The following SLC49A4 variants were observed in gnomAD, a reference collection of about 807,000 sequenced individuals.
SLC49A4 encodes the protein solute carrier family 49 member 4.
SLC49A4 carries 36 observed loss-of-function variants against 50.6 expected under a neutral mutation model. That is an observed-to-expected ratio of 0.71 (90% CI 0.55 to 0.94). SLC49A4 has a LOEUF of 0.94. Ranked by LOEUF, SLC49A4 falls within the 40% of genes least tolerant of loss-of-function variation. The probability of loss-of-function intolerance (pLI) is 0.00; values close to 1 mark genes in which losing one functional copy is unlikely to be tolerated. For missense variants in SLC49A4, 503 were observed against 605.7 expected (o/e 0.83, Z 1.78); for synonymous variants, 248 against 241.2 (o/e 1.03, Z -0.26).
At chr3:122,816,075 C>T (rs1936363860) in intron 2 of SLC49A4, among the ~76,000 whole-genome samples, 1 of 152,092 alleles carries the variant, frequency 6.6e-6, no homozygotes, top group South Asian at 2.1e-4. Flanking sequence ...CTTGGGTACC[C>T]ATCCCAGATT....
rs1158707276 is a variant in SLC49A4, at chr3:122,880,516, G to A, written c.*1138G>A. 1 of 152,162 alleles carries A rather than the reference G, an allele frequency of 6.6e-6. No homozygotes were observed. Among genetic ancestry groups the A allele is most frequent in the African/African-American group, 2.4e-5 (1 of 41,444 alleles). The allele number at this position is 152,162 out of a possible 1,614,324, so 9.4% of individuals were successfully genotyped here. ...TCACTGTGACGTAAAATACACTGCA[G>A]TGAGAATATGGTATCACCACTATTC... On this transcript the variant is annotated 3_prime_UTR_variant, in exon 9 of 9. Coordinates refer to ENST00000261038, the MANE Select transcript of SLC49A4 (RefSeq NM_032839.3).
chr3:122,802,729 G>A (rs6438766), intron 1 of SLC49A4, among the ~76,000 whole-genome samples: 88,127 of 152,058 alleles, frequency 0.58, 26,257 homozygotes, highest in Non-Finnish European at 0.66. Flanking sequence ...TGTAATCAAT[G>A]TGTAAGACGA....
intron 3 of SLC49A4, among the ~76,000 whole-genome samples, chr3:122,832,879 T>C (rs1936626062): frequency 6.6e-6 from 1 of 152,176 alleles, no homozygotes; most frequent in African/African-American, 2.4e-5. Context: ...ATTTTGCTTA[T>C]CTCTATACGT....
chr3:122,830,898 A>C (rs1936599304), intron 3 of SLC49A4, among the ~76,000 whole-genome samples: 1 of 152,176 alleles, frequency 6.6e-6, no homozygotes, highest in South Asian at 2.1e-4. Flanking sequence ...AGGGACTTAT[A>C]TTCAGATTAT....
chr3:122,818,304 G>A (rs532051490), intron 2 of SLC49A4, among the ~76,000 whole-genome samples: 1 of 152,240 alleles, frequency 6.6e-6, no homozygotes, highest in Admixed American at 6.5e-5. Flanking sequence ...GGTATCTGTG[G>A]TTACCTATGT....
chr3:122,844,613 C>T (rs191748661), intron 4 of SLC49A4, among the ~76,000 whole-genome samples: 2 of 152,192 alleles, frequency 1.3e-5, no homozygotes, highest in African/African-American at 4.8e-5. Context: ...GAAACCCTAT[C>T]TCTACTAAAA....
intron 2 of SLC49A4, among the ~76,000 whole-genome samples, chr3:122,817,455 A>C (rs1369346257): frequency 6.6e-6 from 1 of 152,138 alleles, no homozygotes; most frequent in Non-Finnish European, 1.5e-5. Flanking sequence ...CTGTAAGATG[A>C]CGCGTATGTA....
intron 4 of SLC49A4, among the ~76,000 whole-genome samples, chr3:122,841,916 C>T (rs950828895): frequency 2.0e-5 from 3 of 149,118 alleles, no homozygotes; most frequent in South Asian, 2.2e-4. Context: ...TATAGCACGT[C>T]GTACATTGCC....
chr3:122,877,296 A>T (rs1937278208), intron 8 of SLC49A4, among the ~76,000 whole-genome samples: 1 of 152,224 alleles, frequency 6.6e-6, no homozygotes, highest in South Asian at 2.1e-4. Context: ...TTCGAAGAAC[A>T]CTTGTAGTTG....
chr3:122,796,941 A>C (rs1936051322), intron 1 of SLC49A4, among the ~76,000 whole-genome samples: 1 of 152,202 alleles, frequency 6.6e-6, no homozygotes, highest in Non-Finnish European at 1.5e-5. Context: ...GACCTCAGCA[A>C]AAGTCAAGTG....
At chr3:122,843,433 T>A (rs555542035) in intron 4 of SLC49A4, among the ~76,000 whole-genome samples, 15 of 152,340 alleles carry the variant, frequency 9.8e-5, no homozygotes, top group African/African-American at 3.6e-4. Flanking sequence ...ATGTGCAATA[T>A]ATGTCAAAAA....
At chr3:122,868,022 G>A (rs1164424964) in intron 7 of SLC49A4, among the ~76,000 whole-genome samples, 2 of 152,186 alleles carry the variant, frequency 1.3e-5, no homozygotes, top group Non-Finnish European at 2.9e-5. Flanking sequence ...GGCTGAGGCA[G>A]GAGAATGGCG....
chr3:122,798,568 T>C (rs188935732), intron 1 of SLC49A4, among the ~76,000 whole-genome samples: 314 of 151,568 alleles, frequency 2.1e-3, no homozygotes, highest in South Asian at 7.5e-3. Flanking sequence ...CTGCTACAGG[T>C]GTTCCATCTA....
chr3:122,865,656 T>A (rs1421292595), intron 7 of SLC49A4, among the ~76,000 whole-genome samples: 1 of 152,256 alleles, frequency 6.6e-6, no homozygotes, highest in Non-Finnish European at 1.5e-5. Context: ...TCTCTTTATA[T>A]GTGCCTTCAT....
At chr3:122,813,171 G>C (rs1281689205) in intron 2 of SLC49A4, among the ~76,000 whole-genome samples, 1 of 151,488 alleles carries the variant, frequency 6.6e-6, no homozygotes, top group East Asian at 1.9e-4. Context: ...AATCCGGGAG[G>C]TGGAGGTTGC....
intron 4 of SLC49A4, among the ~76,000 whole-genome samples, chr3:122,842,079 T>C (rs1412518752): frequency 6.6e-6 from 1 of 152,096 alleles, no homozygotes; most frequent in Non-Finnish European, 1.5e-5. Flanking sequence ...TAGATAGCAA[T>C]AGAGAAAGGT....
intron 3 of SLC49A4, 83 bp downstream of exon 3, chr3:122,827,148 C>A: frequency 6.9e-7 from 1 of 1,439,394 alleles, no homozygotes; most frequent in Non-Finnish European, 9.4e-7. Flanking sequence ...TAACAGATAC[C>A]TTCATATGAA....
At position 122,860,200 on chromosome 3, in the gene SLC49A4, C is replaced by T; in HGVS notation, c.1136C>T (p.Thr379Ile). ...LNSITHLPLT[T>I]VTLYASCILL... ...AGCATCACACACCTACCTTTAACCA[C>T]AGGTGAGCATAGGCTATTTTTGAAC... is the stretch of plus-strand genomic sequence containing the variant. Residue 379 changes from threonine to isoleucine, a missense_variant and splice_region_variant, in exon 7 of 9, where the codon ACA becomes ATA. Physicochemically the swap from Thr to Ile is moderately conservative, Grantham distance 89. Coordinates refer to ENST00000261038, the MANE Select transcript of SLC49A4 (RefSeq NM_032839.3). The T allele has an allele frequency of 6.3e-7, 1 of 1,595,150 alleles. No homozygotes were observed.
chr3:122,832,875 C>T (rs1936625976), intron 3 of SLC49A4, among the ~76,000 whole-genome samples: 1 of 152,018 alleles, frequency 6.6e-6, no homozygotes. Flanking sequence ...CTATATTTTG[C>T]TTATCTCTAT....
Sources: gnomAD v4.1 joint callset for allele counts (sites outside exome capture counted in the v4.1 genomes callset) on GRCh38, gnomAD v4.1.1 for gene constraint, MANE v1.5 for transcripts, NCBI Gene and HGNC (gene_info 2026-07-23, HGNC 2026-07-21) for gene names.